Variants in SLC22A16 observed in about 807,000 individuals in gnomAD.
The protein encoded by SLC22A16 is solute carrier family 22 member 16.
SLC22A16 carries 53 observed loss-of-function variants against 52.9 expected under a neutral mutation model. That is an observed-to-expected ratio of 1.00 (90% CI 0.80 to 1.26). SLC22A16 has a LOEUF of 1.26. Ranked by LOEUF, SLC22A16 falls within the 50% of genes most tolerant of loss-of-function variation. The probability of loss-of-function intolerance (pLI) is 0.00; values close to 1 mark genes in which losing one functional copy is unlikely to be tolerated. For missense variants in SLC22A16, 726 were observed against 704.0 expected (o/e 1.03, Z -0.35); for synonymous variants, 291 against 268.8 (o/e 1.08, Z -0.81).
chr6:110,446,916 A>C lies in SLC22A16; in HGVS notation c.608T>G (p.Val203Gly), dbSNP rs1163256499. The C allele has an allele frequency of 6.2e-7, 1 of 1,613,910 alleles. No homozygotes were observed. Among genetic ancestry groups the C allele is most frequent in the Non-Finnish European group, 8.5e-7 (1 of 1,179,904 alleles). Residue 203 changes from valine (V) to glycine (G), a missense_variant, in exon 3 of 8, where the codon GTT becomes GGT. Transcript: ENST00000368919. ...FLFGIAAAFA[V>G]DYYTFMAARF... The stretch of plus-strand genomic sequence containing the variant: ...AGCAGCCATGAAGGTGTAATAATCA[A>C]CTGCAAACGCCGCTGCTATTCCAAA...
chr6:110,463,838 A>G (rs959539848), intron 1 of SLC22A16, among the ~76,000 whole-genome samples: 6 of 151,460 alleles, frequency 4.0e-5, no homozygotes, highest in African/African-American at 1.5e-4. Context: ...CAGAATATAC[A>G]TTTTTCTCAT....
intron 2 of SLC22A16, among the ~76,000 whole-genome samples, chr6:110,447,882 A>T (rs1456504488): frequency 6.6e-6 from 1 of 152,192 alleles, no homozygotes; most frequent in Admixed American, 6.5e-5. Flanking sequence ...ATACGGATAA[A>T]CCACATTTTA....
intron 1 of SLC22A16, among the ~76,000 whole-genome samples, chr6:110,459,140 C>A: frequency 6.6e-6 from 1 of 152,068 alleles, no homozygotes. Context: ...CATTAGAATT[C>A]AATTACTATC....
intron 7 of SLC22A16, among the ~76,000 whole-genome samples, chr6:110,427,744 G>T (rs944501267): frequency 6.6e-6 from 1 of 152,102 alleles, no homozygotes; most frequent in East Asian, 1.9e-4. Context: ...CCAAAGTGTG[G>T]GATTACTTGT....
intron 1 of SLC22A16, among the ~76,000 whole-genome samples, chr6:110,459,812 A>T (rs751995631): frequency 7.9e-5 from 12 of 152,176 alleles, no homozygotes; most frequent in East Asian, 3.8e-4. Flanking sequence ...TTAAAAATTT[A>T]AAAAAATAGA....
chr6:110,446,982 C>A lies in SLC22A16; in HGVS notation c.542G>T (p.Arg181Leu), dbSNP rs760117180. ...TFGYFSDRLG[R>L]RVVLWATSSS... ...GCTTGTGGCCCACAAGACCACCCGG[C>A]GTCCTAGCCTGAAAAATAAGAGTCA... The change falls in exon 3 of 8, where the codon CGC (arginine) becomes CTC (leucine). Residue 181 changes from arginine (R) to leucine (L), a missense_variant. By Grantham distance (102) the Arg-to-Leu change is moderately radical. Transcript: ENST00000368919. 6.2e-7 allele frequency: 1 copy of A among 1,612,032 alleles called. No individual in the cohort carries two copies. The highest frequency in any genetic ancestry group is 8.5e-7 in the Non-Finnish European group (1 of 1,179,376).
At chr6:110,472,474 G>A (rs1393654056) in intron 1 of SLC22A16, among the ~76,000 whole-genome samples, 1 of 151,996 alleles carries the variant, frequency 6.6e-6, no homozygotes, top group African/African-American at 2.4e-5. Context: ...CTTACCTCCT[G>A]CCTCTCTCAC....
chr6:110,468,379 T>C (rs1776143770), intron 1 of SLC22A16, among the ~76,000 whole-genome samples: 1 of 152,080 alleles, frequency 6.6e-6, no homozygotes, highest in Non-Finnish European at 1.5e-5. Context: ...GCATGGTGGC[T>C]CATGCCTGTA....
Position 110,442,610 on chromosome 6 carries a change from T to A in SLC22A16, c.817A>T (p.Ile273Phe), listed in dbSNP as rs775327866. 7 of 1,614,030 alleles carry A rather than the reference T, an allele frequency of 4.3e-6. No individual in the cohort carries two copies. The highest frequency in any genetic ancestry group is 5.9e-6 in the Non-Finnish European group (7 of 1,180,042). The change falls in exon 4 of 8, where the codon ATC (isoleucine) becomes TTC (phenylalanine). Residue 273 changes from isoleucine to phenylalanine, a missense_variant. By Grantham distance (21) the Ile-to-Phe change is conservative (BLOSUM62 0). Coordinates refer to ENST00000368919, the MANE Select transcript of SLC22A16 (RefSeq NM_033125.4). ...LVRTWWLYQM[I>F]LSTVTVPFIL... is the part of the protein sequence containing the mutation. The stretch of plus-strand genomic sequence containing the variant: ...AAGGGGACAGTCACTGTGGAGAGGA[T>A]CATCTGGTAAAGCCACCAGGTCCTG...
chr6:110,435,947 C>A lies in SLC22A16; in HGVS notation c.1326G>T (p.Leu442Phe), dbSNP rs756165041. Residue 442 changes from leucine to phenylalanine, a missense_variant, in exon 6 of 8, where the codon TTG becomes TTT. Transcript: ENST00000368919. ...TTCCAACCATAGCTGTCACCACACC[C>A]AAAATATAATGTTTCTGAAAAAAAT... ...VMVIPQKHYI[L>F]GVVTAMVGKF... 3.1e-6 allele frequency: 5 copies of A among 1,613,072 alleles called. No homozygotes were observed. The Admixed American group carries it at 8.3e-5, about 27-fold the overall frequency.
intron 7 of SLC22A16, among the ~76,000 whole-genome samples, chr6:110,427,401 T>A (rs1483588897): frequency 6.6e-6 from 1 of 152,132 alleles, no homozygotes; most frequent in Non-Finnish European, 1.5e-5. Context: ...CTCCTCAGAG[T>A]CCTTTTCTGT....
chr6:110,440,678 GA>G (rs1174933945), intron 4 of SLC22A16, among the ~76,000 whole-genome samples: 1 of 152,100 alleles, frequency 6.6e-6, no homozygotes, highest in African/African-American at 2.4e-5. Context: ...TCAGGAGGCT[GA>G]AACAGGAGAA....
intron 7 of SLC22A16, 85 bp downstream of exon 7, chr6:110,431,086 G>A (rs1033572): frequency 0.41 from 468,109 of 1,128,130 alleles, 106,733 homozygotes; most frequent in African/African-American, 0.83. Flanking sequence ...CTGGCTTTCA[G>A]TAAATAACAA....
At chr6:110,476,339 G>A in intron 1 of SLC22A16, 183 bp downstream of exon 1, 1 of 1,387,834 alleles carries the variant, frequency 7.2e-7, no homozygotes, top group South Asian at 1.7e-5. Flanking sequence ...GCTGCCAGAG[G>A]CCTAGAGGAG....
At chr6:110,473,216 GAAACA>G (rs764987019) in intron 1 of SLC22A16, among the ~76,000 whole-genome samples, 35 of 152,088 alleles carry the variant, frequency 2.3e-4, no homozygotes, top group Non-Finnish European at 4.6e-4. Flanking sequence ...TCTATATACT[GAAACA>G]AAACAAAACA....
intron 1 of SLC22A16, chr6:110,475,816 T>C (rs1314170745): frequency 4.8e-6 from 2 of 420,160 alleles, no homozygotes; most frequent in East Asian, 1.4e-4. Flanking sequence ...TTTAAATTTT[T>C]TAAATCAATT....
At chr6:110,448,436 T>C (rs1023146853) in intron 2 of SLC22A16, among the ~76,000 whole-genome samples, 1 of 152,230 alleles carries the variant, frequency 6.6e-6, no homozygotes, top group African/African-American at 2.4e-5. Flanking sequence ...ATTTTCTTCC[T>C]ATGGGTTGTC....
At position 110,456,929 on chromosome 6, in the gene SLC22A16, G is replaced by A; in HGVS notation, c.142C>T (p.Pro48Ser). The change falls in exon 2 of 8, where the codon CCT becomes TCT. Residue 48 changes from proline (P) to serine (S), a missense_variant. Transcript: ENST00000368919. ...YLASVFMGVT[P>S]HHVCRPPGNV... Reference sequence around the variant, plus strand: ...CCTGGGGGCCTGCAGACATGATGAGGGGTGACTCCCATGAACACAGAAGCC... The same window carrying A: ...CCTGGGGGCCTGCAGACATGATGAGAGGTGACTCCCATGAACACAGAAGCC... 6.2e-7 allele frequency: 1 copy of A among 1,612,430 alleles called. No homozygotes were observed.
Position 110,476,580 on chromosome 6 carries a change from G to A in SLC22A16, c.-6C>T. The A allele has an allele frequency of 1.3e-6, 2 of 1,529,026 alleles. No homozygotes were observed. Among genetic ancestry groups the A allele is most frequent in the Non-Finnish European group, 1.8e-6 (2 of 1,140,130 alleles). The allele number at this position is 1,529,026 out of a possible 1,614,324, so 94.7% of individuals were successfully genotyped here. A position where few individuals can be genotyped will look rare whatever the true frequency, so the allele number is the denominator to read the frequency against. The stretch of plus-strand genomic sequence containing the variant: ...TCGAAGTGGCGGGACCCCATGGTGC[G>A]GCCGTGCACTGGGCGCCGAGTTAGC... On this transcript the variant is annotated 5_prime_UTR_variant, in exon 1 of 8. Coordinates refer to ENST00000368919, the MANE Select transcript of SLC22A16 (RefSeq NM_033125.4).
Sources: allele counts gnomAD v4.1 joint callset (sites outside exome capture counted in the v4.1 genomes callset), GRCh38; gene constraint gnomAD v4.1.1; transcripts MANE v1.5; gene names NCBI Gene and HGNC (gene_info 2026-07-23, HGNC 2026-07-21).